The following MOB2 variants were observed in gnomAD, a reference collection of about 807,000 sequenced individuals.
MOB2 encodes MOB kinase activator 2.
In MOB2, 14 loss-of-function variants were observed where a neutral mutation model predicts 27.4. The observed-to-expected ratio is 0.51, with a 90% CI of 0.34 to 0.80. MOB2 has a LOEUF of 0.80. Among genes scored for constraint, MOB2 ranks in the 30% least tolerant of loss-of-function variants. MOB2 has a pLI of 0.01. For synonymous variants in MOB2, 167 were observed against 151.8 expected, an observed-to-expected ratio of 1.10 and a Z score of -0.74; for missense variants, 304 against 354.6, an observed-to-expected ratio of 0.86 and a Z score of 1.15.
intron 3 of MOB2, among the ~76,000 whole-genome samples, chr11:1,473,728 T>C (rs975476187): frequency 1.3e-5 from 2 of 152,242 alleles, no homozygotes; most frequent in Non-Finnish European, 2.9e-5. Context: ...TCTTCAATTA[T>C]CAGTAAACCG....
chr11:1,475,088 G>T (rs1032610163), intron 3 of MOB2, among the ~76,000 whole-genome samples: 2 of 152,134 alleles, frequency 1.3e-5, no homozygotes, highest in Non-Finnish European at 2.9e-5. Context: ...GTAGACCTTC[G>T]ATTTTCTGTA....
intron 3 of MOB2, among the ~76,000 whole-genome samples, chr11:1,476,171 G>GA (rs1358578074): frequency 1.3e-5 from 2 of 152,232 alleles, no homozygotes; most frequent in African/African-American, 4.8e-5. Context: ...TTTATTTCGG[G>GA]AATTTTCCAT....
rs1847752365 is a variant in MOB2 at position 1,469,623 on chromosome 11, GGGTGACAGGAGCA to G, written c.*536_*548del. The G allele has an allele frequency of 2.2e-6, 1 of 456,894 alleles. No homozygotes were observed. Among genetic ancestry groups the G allele is most frequent in the Admixed American group, 2.3e-5 (1 of 42,578 alleles). 28.3% of individuals were successfully genotyped at this position (456,894 alleles called of 1,614,324 possible). A position where few individuals can be genotyped will look rare whatever the true frequency, so the allele number is the denominator to read the frequency against. On this transcript the variant is annotated 3_prime_UTR_variant, in exon 5 of 5. Coordinates refer to ENST00000329957, the MANE Select transcript of MOB2 (RefSeq NM_001172223.3). ...TGGGCATGGAGGAGGCAGCAGGAAG[GGGTGACAGGAGCA>G]GGAGCAGGTGCAGGGCACCTCACAC...
chr11:1,482,822 T>A (rs974563670), intron 1 of MOB2, among the ~76,000 whole-genome samples: 1 of 152,210 alleles, frequency 6.6e-6, no homozygotes, highest in African/African-American at 2.4e-5. Context: ...GGAACGGCTG[T>A]GCGGGCACCA....
At chr11:1,470,555 C>T (rs1025623864) in intron 4 of MOB2, 67 bp from the exon 5 acceptor site, 9 of 1,525,994 alleles carry the variant, frequency 5.9e-6, no homozygotes, top group Non-Finnish European at 7.0e-6. Context: ...AGGCCCCTGG[C>T]ACCCAGCCTG....
At chr11:1,482,723 G>A (rs907662546) in intron 1 of MOB2, among the ~76,000 whole-genome samples, 6 of 152,212 alleles carry the variant, frequency 3.9e-5, no homozygotes, top group Non-Finnish European at 7.3e-5. Flanking sequence ...TCTTTGGACC[G>A]GGTCACTCAT....
chr11:1,479,971 T>G (rs913992532), intron 3 of MOB2, among the ~76,000 whole-genome samples: 1 of 152,200 alleles, frequency 6.6e-6, no homozygotes, highest in South Asian at 2.1e-4. Context: ...CCAGGCATGT[T>G]GGATGGTCAC....
intron 4 of MOB2, 98 bp downstream of exon 4, chr11:1,471,197 T>C (rs765458246): frequency 1.2e-4 from 177 of 1,462,336 alleles, no homozygotes; most frequent in Non-Finnish European, 1.6e-4. Context: ...TCCGTGCCTC[T>C]GCCCCTCCCG....
At position 1,475,499 on chromosome 11, in the gene MOB2, G is replaced by A. The variant is rs77692432; in HGVS notation, c.366-4080C>T. 2.6e-4 allele frequency among the ~76,000 whole-genome samples: 40 copies of A among 152,280 alleles called. 1 individual carries two copies. The East Asian group carries it at 6.6e-3, about 25-fold the overall frequency. On this transcript the variant is annotated intron_variant, in intron 3 of 4. Transcript: ENST00000329957. ...GATTGATTGACTGAGATAGGGTCTC[G>A]CTGTGTTGCTAAGTTAGTCTCGAAC...
intron 3 of MOB2, 44 bp from the exon 4 acceptor site, chr11:1,471,463 C>G (rs1263675272): frequency 6.4e-7 from 1 of 1,573,878 alleles, no homozygotes; most frequent in Non-Finnish European, 8.7e-7. Flanking sequence ...CCGCTGCACA[C>G]CCACCCAGCC....
In MOB2 at chr11:1,470,142, A is replaced by G; in HGVS notation, c.*30T>C. On this transcript the variant is annotated 3_prime_UTR_variant, in exon 5 of 5. Transcript: ENST00000329957. ...AGAACACACACCACCGTCTCTTTGC[A>G]CACGTGTGCCCCTGTCCGGCCCGGG... 1 of 1,564,398 alleles carries G rather than the reference A, an allele frequency of 6.4e-7. No individual in the cohort carries two copies. The highest frequency in any genetic ancestry group is 1.2e-5 in the South Asian group (1 of 86,082).
intron 3 of MOB2, among the ~76,000 whole-genome samples, chr11:1,476,115 G>A (rs976956743): frequency 5.9e-5 from 9 of 152,234 alleles, no homozygotes; most frequent in East Asian, 1.9e-4. Flanking sequence ...GGTGGAGACC[G>A]CATCACACTG....
At chr11:1,471,868 C>T in intron 3 of MOB2, 1 of 155,844 alleles carries the variant, frequency 6.4e-6, no homozygotes, top group Non-Finnish European at 1.4e-5. Flanking sequence ...TTTGGGAGAG[C>T]CCTGCTCTGA....
intron 1 of MOB2, among the ~76,000 whole-genome samples, chr11:1,483,863 G>A (rs1484639309): frequency 6.6e-6 from 1 of 152,202 alleles, no homozygotes. Flanking sequence ...GCACAGGGAG[G>A]CATCAGAGCT....
At position 1,486,549 on chromosome 11, in the gene MOB2, C is replaced by G. The variant is rs1219223690; in HGVS notation, c.8G>C (p.Gly3Ala). Reference sequence around the variant, plus strand: ...GTCTTCAGGGAGACTGCAGTGGTCTCCCAGCATGAGTGGGCGACGGGAAGG... The same window carrying G: ...GTCTTCAGGGAGACTGCAGTGGTCTGCCAGCATGAGTGGGCGACGGGAAGG... ML[G>A]DHCSLPEDQA... The change falls in exon 1 of 5, where the codon GGA becomes GCA. Residue 3 changes from glycine to alanine, a missense_variant. Transcript: ENST00000329957. 6.5e-7 allele frequency: 1 copy of G among 1,535,216 alleles called. No homozygotes were observed. The highest frequency in any genetic ancestry group is 1.4e-5 in the African/African-American group (1 of 73,028).
chr11:1,483,002 C>G (rs1011632024), intron 1 of MOB2, among the ~76,000 whole-genome samples: 3 of 152,234 alleles, frequency 2.0e-5, no homozygotes, highest in African/African-American at 4.8e-5. Flanking sequence ...CGGCAGCTAC[C>G]GAGGAGGCCT....
chr11:1,477,486 A>G (rs886078476), intron 3 of MOB2, among the ~76,000 whole-genome samples: 3 of 152,176 alleles, frequency 2.0e-5, no homozygotes, highest in Non-Finnish European at 2.9e-5. Flanking sequence ...CCCCAGACGC[A>G]AGGGTATCTG....
rs1334050543 is a variant in MOB2 at position 1,470,004 on chromosome 11, G to A, written c.*168C>T. 1.6e-5 allele frequency: 24 copies of A among 1,519,478 alleles called. No homozygotes were observed. Among genetic ancestry groups the A allele is most frequent in the Middle Eastern group, 1.7e-4 (1 of 5,990 alleles). The allele number at this position is 1,519,478 out of a possible 1,614,324, so 94.1% of individuals were successfully genotyped here. On this transcript the variant is annotated 3_prime_UTR_variant, in exon 5 of 5. Transcript: ENST00000329957. ...CATCCGACAGGGGGCCACAGGACAC[G>A]GCCGGGGCCGTCTGCGTCTGTGCCT...
chr11:1,486,744 A>T lies in MOB2; in HGVS notation c.-188T>A. ...GCTGGTGAAACGAGGGAGCGTCTGA[A>T]TTGGCCTTTTCCAAGTGGCATGGCT... On this transcript the variant is annotated 5_prime_UTR_variant, in exon 1 of 5. Transcript: ENST00000329957. The T allele has an allele frequency of 7.4e-6, 4 of 538,396 alleles. No homozygotes were observed. Among genetic ancestry groups the T allele is most frequent in the Non-Finnish European group, 1.0e-5 (3 of 296,850 alleles). 33.4% of individuals were successfully genotyped at this position (538,396 alleles called of 1,614,324 possible).
Sources: gnomAD v4.1 joint callset for allele counts (sites outside exome capture counted in the v4.1 genomes callset) on GRCh38, gnomAD v4.1.1 for gene constraint, MANE v1.5 for transcripts, NCBI Gene and HGNC (gene_info 2026-07-23, HGNC 2026-07-21) for gene names.